PCDH18: variants seen among roughly 807,000 people sequenced by gnomAD.
PCDH18 encodes the protein protocadherin 18, also known as protocadherin-18.
PCDH18 carries 38 observed loss-of-function variants against 71.5 expected under a neutral mutation model. That is an observed-to-expected ratio of 0.53 (90% CI 0.41 to 0.70). PCDH18 has a LOEUF of 0.70. Ranked by LOEUF, PCDH18 falls within the 30% of genes least tolerant of loss-of-function variation. The probability of loss-of-function intolerance (pLI) is 0.00; values close to 1 mark genes in which losing one functional copy is unlikely to be tolerated. For synonymous variants in PCDH18, 565 were observed against 505.4 expected, an observed-to-expected ratio of 1.12 and a Z score of -1.58; for missense variants, 1,334 against 1,384.6, an observed-to-expected ratio of 0.96 and a Z score of 0.58.
chr4:137,520,818 T>A lies in PCDH18; in HGVS notation c.*211A>T, dbSNP rs1731265654. On this transcript the variant is annotated 3_prime_UTR_variant, in exon 4 of 4. Transcript: ENST00000344876. ...TTGTTTGTTAAATTACACATAAATA[T>A]AAGGTACAAATGTATTTTTAAAATA... is the stretch of plus-strand genomic sequence containing the variant. 2.2e-6 allele frequency: 1 copy of A among 447,516 alleles called. No individual in the cohort carries two copies. Among genetic ancestry groups the A allele is most frequent in the African/African-American group, 2.0e-5 (1 of 49,746 alleles). The allele number at this position is 447,516 out of a possible 1,614,324, so 27.7% of individuals were successfully genotyped here. A position where few individuals can be genotyped will look rare whatever the true frequency, so the allele number is the denominator to read the frequency against.
intron 3 of PCDH18, among the ~76,000 whole-genome samples, chr4:137,524,611 A>C (rs188771791): frequency 6.6e-6 from 1 of 152,276 alleles, no homozygotes; most frequent in Admixed American, 6.5e-5. Flanking sequence ...TTCAGGTAGG[A>C]AGGACACCAT....
intron 3 of PCDH18, among the ~76,000 whole-genome samples, chr4:137,525,576 A>G (rs764671624): frequency 3.3e-5 from 5 of 152,154 alleles, no homozygotes; most frequent in Non-Finnish European, 5.9e-5. Context: ...AATTATACTC[A>G]TAAATAAGGG....
At position 137,531,442 on chromosome 4, in the gene PCDH18, A is replaced by G. The variant is rs1399325597; in HGVS notation, c.647T>C (p.Leu216Pro). ...RELKSSYELQ[L>P]TASDMGVPQR... The stretch of plus-strand genomic sequence containing the variant: ...AGGTACTCCCATGTCTGAGGCAGTG[A>G]GCTGAAGCTCGTAGCTTGACTTCAG... Residue 216 changes from leucine (L) to proline (P), a missense_variant, in exon 1 of 4, where the codon CTC becomes CCC. Physicochemically the swap from Leu to Pro is moderately conservative, Grantham distance 98. Coordinates refer to ENST00000344876, the MANE Select transcript of PCDH18 (RefSeq NM_019035.5). 1 of 1,613,640 alleles carries G rather than the reference A, an allele frequency of 6.2e-7. No homozygotes were observed. The highest frequency in any genetic ancestry group is 1.3e-5 in the African/African-American group (1 of 75,054).
At chr4:137,522,292 A>G (rs959358467) in intron 3 of PCDH18, among the ~76,000 whole-genome samples, 17 of 152,174 alleles carry the variant, frequency 1.1e-4, no homozygotes, top group African/African-American at 4.1e-4. Flanking sequence ...CCTGTTAAGA[A>G]GTTTTCTTTT....
Position 137,531,486 on chromosome 4 carries a change from G to A in PCDH18, c.603C>T (p.Val201=). The A allele has an allele frequency of 6.2e-7, 1 of 1,613,910 alleles. No individual in the cohort carries two copies. The highest frequency in any genetic ancestry group is 8.5e-7 in the Non-Finnish European group (1 of 1,179,942). ...DGAKYAELIV[V]RELDRELKSS... ...ACTTCAGCTCCCGATCTAACTCTCT[G>A]ACCACTATGAGTTCTGCATACTTGG... The change falls in exon 1 of 4, where the codon GTC becomes GTT. Residue 201 remains valine (V), a synonymous_variant. Coordinates refer to ENST00000344876, the MANE Select transcript of PCDH18 (RefSeq NM_019035.5).
Position 137,530,484 on chromosome 4 carries a change from A to G in PCDH18, c.1605T>C (p.His535=), listed in dbSNP as rs558004220. The G allele has an allele frequency of 6.2e-7, 1 of 1,614,080 alleles. No homozygotes were observed. Among genetic ancestry groups the G allele is most frequent in the African/African-American group, 1.3e-5 (1 of 75,048 alleles). Residue 535 remains histidine (H), a synonymous_variant, in exon 1 of 4, where the codon CAT becomes CAC. Transcript: ENST00000344876. ...GAIYALRIFD[H]EEVSQITFVV... ...CAAAAGTGATCTGACTCACTTCTTC[A>G]TGATCAAAGATTCTGAGGGCATAGA...
At chr4:137,527,696 A>G (rs1368761438) in intron 3 of PCDH18, among the ~76,000 whole-genome samples, 1 of 152,188 alleles carries the variant, frequency 6.6e-6, no homozygotes, top group Admixed American at 6.5e-5. Flanking sequence ...AGCCAAAAGA[A>G]CACACGTATT....
chr4:137,521,577 A>C lies in PCDH18; in HGVS notation c.2860T>G (p.Phe954Val). The C allele has an allele frequency of 6.2e-7, 1 of 1,613,976 alleles. No individual in the cohort carries two copies. Among genetic ancestry groups the C allele is most frequent in the Non-Finnish European group, 8.5e-7 (1 of 1,179,998 alleles). The change falls in exon 4 of 4, where the codon TTC (phenylalanine) becomes GTC (valine). Residue 954 changes from phenylalanine to valine, a missense_variant. Coordinates refer to ENST00000344876, the MANE Select transcript of PCDH18 (RefSeq NM_019035.5). The stretch of plus-strand genomic sequence containing the variant: ...TGCTGCTGCTGGGGTTGCGTTGGGA[A>C]TTCTTCCCCTGGAATGAACATGTTA... ...RSNMFIPGEE[F>V]PTQPQQQHPH...
At chr4:137,523,183 A>G (rs949704416) in intron 3 of PCDH18, among the ~76,000 whole-genome samples, 1 of 152,174 alleles carries the variant, frequency 6.6e-6, no homozygotes, top group Non-Finnish European at 1.5e-5. Flanking sequence ...TTCCATGTGA[A>G]TCAAGGTGGG....
In PCDH18 at chr4:137,532,162, C is replaced by A; in HGVS notation, c.-74G>T. 2 of 1,144,686 alleles carry A rather than the reference C, an allele frequency of 1.7e-6. No individual in the cohort carries two copies. Among genetic ancestry groups the A allele is most frequent in the Admixed American group, 1.7e-5 (1 of 59,324 alleles). 70.9% of individuals were successfully genotyped at this position (1,144,686 alleles called of 1,614,324 possible). A position where few individuals can be genotyped will look rare whatever the true frequency, so the allele number is the denominator to read the frequency against. The stretch of plus-strand genomic sequence containing the variant: ...CAATTGCCTCAACTTCCTTTGGCAA[C>A]GTAAAGCTACATTTGGTACTTGAAA... On this transcript the variant is annotated 5_prime_UTR_variant, in exon 1 of 4. Transcript: ENST00000344876.
rs145729123 is a variant in PCDH18 at position 137,530,487 on chromosome 4, A to G, written c.1602T>C (p.Asp534=). 7 of 1,614,030 alleles carry G rather than the reference A, an allele frequency of 4.3e-6. No individual in the cohort carries two copies. The highest frequency in any genetic ancestry group is 5.9e-6 in the Non-Finnish European group (7 of 1,179,980). The change falls in exon 1 of 4, where the codon GAT becomes GAC. Residue 534 remains aspartate, a synonymous_variant. Transcript: ENST00000344876. ...NGAIYALRIF[D]HEEVSQITFV... is the part of the protein sequence containing the mutation. ...AAGTGATCTGACTCACTTCTTCATG[A>G]TCAAAGATTCTGAGGGCATAGATGG... is the stretch of plus-strand genomic sequence containing the variant.
rs1257452528 is a variant in PCDH18, at chr4:137,531,971, C to A, written c.118G>T (p.Val40Phe). 3.7e-6 allele frequency: 6 copies of A among 1,613,874 alleles called. No homozygotes were observed. In the African/African-American group the frequency reaches 5.3e-5, roughly 14 times the overall value. The change falls in exon 1 of 4, where the codon GTT becomes TTT. Residue 40 changes from valine (V) to phenylalanine (F), a missense_variant. Val to Phe is a conservative substitution (Grantham distance 50, BLOSUM62 -1). This residue lies in a region of PCDH18 where 1,011 missense variants were observed against 1,048.0 expected (regional missense o/e 0.96). Transcript: ENST00000344876. ...LKYRIYEEQR[V>F]GSVIARLSED... ...GATAGTCTTGCAATTACTGATCCAACCCTCTGTTCCTCATAAATCCTGTAT... is the reference window on the plus strand; with the variant it reads ...GATAGTCTTGCAATTACTGATCCAAACCTCTGTTCCTCATAAATCCTGTAT...
rs780317210 is a variant in PCDH18, at chr4:137,528,834, A to G, written c.2488-14T>C. The G allele has an allele frequency of 6.3e-7, 1 of 1,577,466 alleles. No individual in the cohort carries two copies. Among genetic ancestry groups the G allele is most frequent in the South Asian group, 1.1e-5 (1 of 90,336 alleles). On this transcript the variant is annotated splice_polypyrimidine_tract_variant and intron_variant, in intron 1 of 3. Transcript: ENST00000344876. ...CTGAGAGACCTGCTGGAAACCAAAT[A>G]GACAGAACTGATTCCCGGAAACAAG...
In PCDH18 at chr4:137,530,904, T is replaced by G; in HGVS notation, c.1185A>C (p.Ile395=). The G allele has an allele frequency of 3.1e-6, 5 of 1,613,062 alleles. No individual in the cohort carries two copies. The highest frequency in any genetic ancestry group is 4.2e-6 in the Non-Finnish European group (5 of 1,179,378). The part of the protein sequence containing the change: ...QDKDSGLNGE[I]VCKLHGHGHF... ...GACCATGTCCATGAAGCTTACAAAC[T>G]ATTTCTCCATTCAGCCCAGAATCCT... The change falls in exon 1 of 4, where the codon ATA becomes ATC. Residue 395 remains isoleucine, a synonymous_variant. Transcript: ENST00000344876.
chr4:137,527,001 C>A (rs1731483921), intron 3 of PCDH18, among the ~76,000 whole-genome samples: 1 of 150,658 alleles, frequency 6.6e-6, no homozygotes, highest in African/African-American at 2.4e-5. Flanking sequence ...TTACTACTGT[C>A]ACTACTACTA....
In PCDH18 at chr4:137,521,245, A is replaced by G; in HGVS notation, c.3192T>C (p.Asn1064=). 6.2e-7 allele frequency: 1 copy of G among 1,613,948 alleles called. No individual in the cohort carries two copies. Among genetic ancestry groups the G allele is most frequent in the Non-Finnish European group, 8.5e-7 (1 of 1,179,898 alleles). ...GTGGCGGCCCACAGTTGGTGGTGGGATTTTGAAAATGCGTACTGGCTGCCC... is the reference window on the plus strand; with the variant it reads ...GTGGCGGCCCACAGTTGGTGGTGGGGTTTTGAAAATGCGTACTGGCTGCCC... The part of the protein sequence containing the change: ...AAWAASTHFQ[N]PTTNCGPPLG... The change falls in exon 4 of 4, where the codon AAT becomes AAC. Residue 1064 remains asparagine, a synonymous_variant. Coordinates refer to ENST00000344876, the MANE Select transcript of PCDH18 (RefSeq NM_019035.5).
Position 137,530,008 on chromosome 4 carries a change from G to A in PCDH18, c.2081C>T (p.Ala694Val). The change falls in exon 1 of 4, where the codon GCA becomes GTA. Residue 694 changes from alanine (A) to valine (V), a missense_variant. By Grantham distance (64) the Ala-to-Val change is moderately conservative. Transcript: ENST00000344876. ...TATTATCATGGAGACATCCAAGGAT[G>A]CCTGGCTTACTGAAGTCATTGCTGT... is the stretch of plus-strand genomic sequence containing the variant. ...TSTAMTSVSQ[A>V]SLDVSMIIII... 6.2e-7 allele frequency: 1 copy of A among 1,614,070 alleles called. No homozygotes were observed. Among genetic ancestry groups the A allele is most frequent in the South Asian group, 1.1e-5 (1 of 91,076 alleles).
chr4:137,529,086 T>G, intron 1 of PCDH18: 1 of 438,686 alleles, frequency 2.3e-6, no homozygotes, highest in Non-Finnish European at 4.1e-6. Context: ...AACTGATTTA[T>G]TTTCTTTATA....
At position 137,529,705 on chromosome 4, in the gene PCDH18, C is replaced by T; in HGVS notation, c.2384G>A (p.Ser795Asn). 1.9e-6 allele frequency: 3 copies of T among 1,613,934 alleles called. No homozygotes were observed. Among genetic ancestry groups the T allele is most frequent in the Non-Finnish European group, 2.5e-6 (3 of 1,179,918 alleles). The change falls in exon 1 of 4, where the codon AGT (serine) becomes AAT (asparagine). Residue 795 changes from serine (S) to asparagine (N), a missense_variant. This residue lies in a region of PCDH18 where 1,011 missense variants were observed against 1,048.0 expected (regional missense o/e 0.96). Transcript: ENST00000344876. ...LERGQMGSRQ[S>N]HNSHQSLNSL... is the part of the protein sequence containing the mutation. ...GTTGAGTGACTGGTGACTGTTGTGA[C>T]TCTGCCGGCTGCCCATCTGCCCTCT...
Sources: allele counts gnomAD v4.1 joint callset (sites outside exome capture counted in the v4.1 genomes callset), GRCh38; gene constraint gnomAD v4.1.1; regional missense constraint gnomAD v4.1.1; transcripts MANE v1.5; gene names NCBI Gene and HGNC (gene_info 2026-07-23, HGNC 2026-07-21).